Variants in GIN1 observed in about 807,000 individuals in gnomAD.
GIN1 encodes gypsy retrotransposon integrase-like protein 1.
In GIN1, 41 loss-of-function variants were observed where a neutral mutation model predicts 51.4. The observed-to-expected ratio is 0.80, with a 90% CI of 0.62 to 1.04. The LOEUF (loss-of-function observed/expected upper bound fraction) is 1.04. Among genes scored for constraint, GIN1 ranks in the 50% least tolerant of loss-of-function variants. The pLI is 0.00. For missense variants in GIN1, 610 were observed against 612.4 expected, an observed-to-expected ratio of 1.00 and a Z score of 0.04; for synonymous variants, 222 against 206.5, an observed-to-expected ratio of 1.07 and a Z score of -0.64.
chr5:103,091,269 C>G (rs1787230235), intron 7 of GIN1, among the ~76,000 whole-genome samples: 1 of 152,038 alleles, frequency 6.6e-6, no homozygotes, highest in African/African-American at 2.4e-5. Context: ...AGGTTATTTT[C>G]ATTTATTTCT....
Position 103,106,821 on chromosome 5 carries a change from T to C in GIN1, c.228A>G (p.Glu76=). ...SEEEKKKVLR[E]CHENDSGAHH... ...GAGCTCCACTGTCATTTTCATGGCA[T>C]TCTCTTAAGACTTTCTTTTTTTCCT... Residue 76 remains glutamate (E), a synonymous_variant, in exon 3 of 8, where the codon GAA becomes GAG. Transcript: ENST00000399004. 6.2e-7 allele frequency: 1 copy of C among 1,604,148 alleles called. No homozygotes were observed. The highest frequency in any genetic ancestry group is 8.5e-7 in the Non-Finnish European group (1 of 1,173,136).
In GIN1 at chr5:103,096,800, T is replaced by C. The variant is rs113924545; in HGVS notation, c.1035A>G (p.Leu345=). 669 of 1,599,980 alleles carry C rather than the reference T, an allele frequency of 4.2e-4. 5 individuals are homozygous for C. The African/African-American group carries it at 8.3e-3, about 20-fold the overall frequency. ...TTTTAACAATGATCTTGCTTTTATT[T>C]AGTTCATCCAAATTGTTGTTCTCCA... ...GQMENNNLDE[L]NKSKIIVKKK... Residue 345 remains leucine (L), a synonymous_variant, in exon 7 of 8, where the codon CTA becomes CTG. Coordinates refer to ENST00000399004, the MANE Select transcript of GIN1 (RefSeq NM_017676.2).
At chr5:103,104,493 A>C in intron 4 of GIN1, 48 bp downstream of exon 4, 1 of 913,700 alleles carries the variant, frequency 1.1e-6, no homozygotes. Context: ...CTGGACACTG[A>C]AAAGAAGTAA....
rs1554196611 is a variant in GIN1, at chr5:103,108,692, T to C, written c.16A>G (p.Lys6Glu). The change falls in exon 2 of 8, where the codon AAA becomes GAA. Residue 6 changes from lysine to glutamate, a missense_variant. By Grantham distance (56) the Lys-to-Glu change is moderately conservative. Transcript: ENST00000399004. ...TGTTTAAGATGAAGGTCACCATTTT[T>C]TCCACTACGGACCATTGTGAACCTA... MVRSG[K>E]NGDLHLKQIA... is the part of the protein sequence containing the mutation. 6.2e-7 allele frequency: 1 copy of C among 1,603,348 alleles called. No individual in the cohort carries two copies. The highest frequency in any genetic ancestry group is 8.5e-7 in the Non-Finnish European group (1 of 1,173,272).
chr5:103,113,521 C>CT (rs368036001), intron 1 of GIN1, among the ~76,000 whole-genome samples: 32,577 of 132,418 alleles, frequency 0.25, 4,769 homozygotes, highest in East Asian at 0.44. Context: ...AGTTCCACCT[C>CT]TTTTTTTTTT....
At chr5:103,119,577 G>C (rs535833384) in intron 1 of GIN1, among the ~76,000 whole-genome samples, 7 of 152,188 alleles carry the variant, frequency 4.6e-5, no homozygotes, top group African/African-American at 1.7e-4. Context: ...TTAAAACTAC[G>C]TGACAGGATT....
intron 7 of GIN1, among the ~76,000 whole-genome samples, chr5:103,088,567 T>C (rs1434457877): frequency 6.6e-6 from 1 of 152,158 alleles, no homozygotes; most frequent in Non-Finnish European, 1.5e-5. Flanking sequence ...CCAAAGCCGG[T>C]AGATTGCTTA....
chr5:103,091,552 A>C (rs1554194535), intron 7 of GIN1, among the ~76,000 whole-genome samples: 1 of 152,236 alleles, frequency 6.6e-6, no homozygotes, highest in African/African-American at 2.4e-5. Flanking sequence ...CATCTGTTTG[A>C]TGAAAGCATC....
At chr5:103,118,735 C>T (rs34781) in intron 1 of GIN1, among the ~76,000 whole-genome samples, 36,728 of 145,116 alleles carry the variant, frequency 0.25, 5,104 homozygotes, top group East Asian at 0.45. Context: ...ACAAAAGTAA[C>T]GTAAATGAAA....
intron 7 of GIN1, among the ~76,000 whole-genome samples, chr5:103,088,678 T>C (rs1273091659): frequency 6.6e-6 from 1 of 152,024 alleles, no homozygotes; most frequent in Non-Finnish European, 1.5e-5. Context: ...TCTATGGTCC[T>C]AGCTACTTAG....
intron 7 of GIN1, among the ~76,000 whole-genome samples, chr5:103,095,604 C>G (rs1787370496): frequency 6.6e-6 from 1 of 152,160 alleles, no homozygotes; most frequent in African/African-American, 2.4e-5. Context: ...GTTTTTCATG[C>G]CAAAAAGAGG....
chr5:103,097,794 T>A lies in GIN1; in HGVS notation c.640-13A>T, dbSNP rs370141004. ...GTTCAATATTGATCTGAAAAATATA[T>A]AAAACAAAGGTGGCTTTTTAAAATT... On this transcript the variant is annotated splice_polypyrimidine_tract_variant and intron_variant, in intron 4 of 7. Transcript: ENST00000399004. 8.3e-7 allele frequency: 1 copy of A among 1,203,532 alleles called. No individual in the cohort carries two copies. The allele number at this position is 1,203,532 out of a possible 1,614,324, so 74.6% of individuals were successfully genotyped here. A position where few individuals can be genotyped will look rare whatever the true frequency, so the allele number is the denominator to read the frequency against.
At chr5:103,101,540 G>A (rs1787575454) in intron 4 of GIN1, among the ~76,000 whole-genome samples, 1 of 152,118 alleles carries the variant, frequency 6.6e-6, no homozygotes, top group Non-Finnish European at 1.5e-5. Flanking sequence ...TTAAATAGAC[G>A]TGCCGGCGCT....
chr5:103,090,060 G>A (rs868938482), intron 7 of GIN1, among the ~76,000 whole-genome samples: 4 of 152,284 alleles, frequency 2.6e-5, no homozygotes, highest in Admixed American at 1.3e-4. Flanking sequence ...AAACCAATGC[G>A]GGCAGATCAC....
At chr5:103,108,750 T>C in intron 1 of GIN1, 36 bp from the exon 2 acceptor site, 1 of 1,353,720 alleles carries the variant, frequency 7.4e-7, no homozygotes, top group Non-Finnish European at 1.0e-6. Context: ...AACTTAAATT[T>C]TAAGCTAACT....
chr5:103,106,567 T>A, intron 3 of GIN1, 149 bp downstream of exon 3: 4 of 496,600 alleles, frequency 8.1e-6, no homozygotes, highest in Non-Finnish European at 1.4e-5. Flanking sequence ...TGATTTAAAA[T>A]AACTGTGAAG....
At chr5:103,104,897 A>G (rs186702811) in intron 3 of GIN1, 51 bp from the exon 4 acceptor site, 74 of 1,086,330 alleles carry the variant, frequency 6.8e-5, no homozygotes, top group Non-Finnish European at 8.9e-5. Context: ...AACACTCAAC[A>G]CAATATAAAA....
At position 103,097,705 on chromosome 5, in the gene GIN1, G is replaced by T. The variant is rs34813; in HGVS notation, c.716C>A (p.Thr239Lys). The T allele has an allele frequency of 2.5e-6, 4 of 1,595,840 alleles. No individual in the cohort carries two copies. The East Asian group carries it at 6.7e-5, about 27-fold the overall frequency. ...TTTGATTGTGTTAGGTGTACTTTCCGTTGGGTTAACAGTTCCAGAGGTGTG... is the reference window on the plus strand; with the variant it reads ...TTTGATTGTGTTAGGTGTACTTTCCTTTGGGTTAACAGTTCCAGAGGTGTG... ...ISHTSGTVNP[T>K]ESTPNTIKAF... The change falls in exon 5 of 8, where the codon ACG (threonine) becomes AAG (lysine). Residue 239 changes from threonine (T) to lysine (K), a missense_variant. Transcript: ENST00000399004.
intron 1 of GIN1, among the ~76,000 whole-genome samples, chr5:103,119,692 A>G (rs1244893606): frequency 6.6e-6 from 1 of 152,168 alleles, no homozygotes; most frequent in African/African-American, 2.4e-5. Context: ...AACGCCGGCC[A>G]AAAGTGCTTA....
Sources: gnomAD v4.1 joint callset for allele counts (sites outside exome capture counted in the v4.1 genomes callset) on GRCh38, gnomAD v4.1.1 for gene constraint, MANE v1.5 for transcripts, NCBI Gene and HGNC (gene_info 2026-07-23, HGNC 2026-07-21) for gene names.